PROCR: variants seen among roughly 807,000 people sequenced by gnomAD.
PROCR encodes the protein protein C receptor.
Under a neutral mutation model 24.2 loss-of-function variants are expected in PROCR, and 22 were observed. The observed-to-expected ratio is 0.91, with a 90% CI of 0.65 to 1.30. PROCR has a LOEUF of 1.30. Among genes scored for constraint, PROCR ranks in the 50% most tolerant of loss-of-function variants. PROCR has a pLI of 0.00. For synonymous variants in PROCR, 137 were observed against 139.2 expected, an observed-to-expected ratio of 0.98 and a Z score of 0.11; for missense variants, 288 against 307.7, an observed-to-expected ratio of 0.94 and a Z score of 0.48.
chr20:35,201,274 A>C (rs1412321243), intron 1 of PROCR, among the ~76,000 whole-genome samples: 1 of 152,172 alleles, frequency 6.6e-6, no homozygotes, highest in East Asian at 1.9e-4. Flanking sequence ...ATTGAGAGGC[A>C]AAAAAATGGA....
chr20:35,209,785 A>G (rs1456108224), intron 1 of PROCR, among the ~76,000 whole-genome samples: 5 of 152,212 alleles, frequency 3.3e-5, no homozygotes, highest in African/African-American at 1.2e-4. Context: ...TGGTCTGCCT[A>G]GTGAAACAGA....
intron 1 of PROCR, among the ~76,000 whole-genome samples, chr20:35,210,123 G>A (rs971561500): frequency 3.9e-5 from 6 of 152,158 alleles, no homozygotes; most frequent in African/African-American, 1.4e-4. Flanking sequence ...CTATTTGGGA[G>A]GCTGAGGTGG....
rs777035768 is a variant in PROCR, at chr20:35,176,210, C to T, written c.365C>T (p.Pro122Leu). 3.7e-6 allele frequency: 6 copies of T among 1,614,136 alleles called. No individual in the cohort carries two copies. The highest frequency in any genetic ancestry group is 5.1e-6 in the Non-Finnish European group (6 of 1,179,996). ...TGCTTCCTGGGCTGTGAGCTGCCTC[C>T]CGAGGGCTCTAGAGCCCATGTCTTC... ...IRCFLGCELP[P>L]EGSRAHVFFE... Residue 122 changes from proline to leucine, a missense_variant, in exon 3 of 4, where the codon CCC (proline) becomes CTC (leucine). Pro to Leu is a moderately conservative substitution (Grantham distance 98). Transcript: ENST00000216968.
chr20:35,212,967 C>A (rs945807718), intron 1 of PROCR, among the ~76,000 whole-genome samples: 3 of 152,214 alleles, frequency 2.0e-5, no homozygotes, highest in African/African-American at 7.2e-5. Flanking sequence ...GTTAAGAAAG[C>A]AGTGGCTGAT....
At chr20:35,207,159 C>T (rs1055110697) in intron 1 of PROCR, among the ~76,000 whole-genome samples, 3 of 152,068 alleles carry the variant, frequency 2.0e-5, no homozygotes, top group Admixed American at 6.6e-5. Flanking sequence ...GAATAGAGAA[C>T]ATATCAGTGT....
At chr20:35,191,182 A>G (rs934141594) in intron 1 of PROCR, among the ~76,000 whole-genome samples, 2 of 152,084 alleles carry the variant, frequency 1.3e-5, no homozygotes, top group Non-Finnish European at 2.9e-5. Flanking sequence ...CAGATTAAAC[A>G]TCTTACTTTC....
chr20:35,173,125 C>T (rs1009061264), intron 1 of PROCR, among the ~76,000 whole-genome samples: 1 of 152,178 alleles, frequency 6.6e-6, no homozygotes, highest in African/African-American at 2.4e-5. Context: ...CACTCACACA[C>T]ACAGATTTAC....
At chr20:35,208,904 G>A (rs779736728) in intron 1 of PROCR, among the ~76,000 whole-genome samples, 4 of 151,120 alleles carry the variant, frequency 2.6e-5, no homozygotes, top group African/African-American at 7.3e-5. Context: ...TCCAGGAGGC[G>A]GAGGCTGTAG....
At chr20:35,211,346 G>A (rs1008320537) in intron 1 of PROCR, among the ~76,000 whole-genome samples, 2 of 152,162 alleles carry the variant, frequency 1.3e-5, no homozygotes, top group East Asian at 1.9e-4. Flanking sequence ...TTCAGAGATA[G>A]GTGTAAATGG....
At chr20:35,177,965 T>C (rs2086037538), downstream of PROCR, among the ~76,000 whole-genome samples, 1 of 152,214 alleles carries the variant, frequency 6.6e-6, no homozygotes, top group Admixed American at 6.6e-5. Context: ...CTGGAAATGC[T>C]GGCTTCCTTA....
intron 1 of PROCR, among the ~76,000 whole-genome samples, chr20:35,195,979 G>A (rs1039293151): frequency 1.3e-5 from 2 of 151,484 alleles, no homozygotes; most frequent in Non-Finnish European, 2.9e-5. Flanking sequence ...TCAGGAGTTC[G>A]AGACCAGCCT....
chr20:35,207,730 A>C (rs577521700), intron 1 of PROCR, among the ~76,000 whole-genome samples: 1 of 151,884 alleles, frequency 6.6e-6, no homozygotes, highest in African/African-American at 2.4e-5. Context: ...GGGTTTCTCC[A>C]TGTTGGTCAG....
chr20:35,202,306 T>A (rs1456594834), intron 1 of PROCR: 2 of 152,088 alleles, frequency 1.3e-5, no homozygotes, highest in African/African-American at 4.8e-5. Context: ...ATACAAAAAT[T>A]AGCTGGGCAT....
chr20:35,179,810 A>G (rs1039197223), downstream of PROCR, among the ~76,000 whole-genome samples: 2 of 152,112 alleles, frequency 1.3e-5, no homozygotes. Context: ...ACTCCCTCTT[A>G]TTTATCCCCA....
chr20:35,190,597 T>C (rs2086165633), intron 1 of PROCR, among the ~76,000 whole-genome samples: 1 of 152,154 alleles, frequency 6.6e-6, no homozygotes, highest in African/African-American at 2.4e-5. Context: ...TTTTATTTCA[T>C]CCAAATGCAA....
chr20:35,176,031 A>C, intron 2 of PROCR, 137 bp from the exon 3 acceptor site: 1 of 1,018,406 alleles, frequency 9.8e-7, no homozygotes, highest in African/African-American at 1.6e-5. Flanking sequence ...CCTTCTCCCC[A>C]TAGTTCCCTG....
In PROCR at chr20:35,174,703, C is replaced by T. The variant is rs776328336; in HGVS notation, c.72C>T (p.Gly24=). 1.2e-6 allele frequency: 2 copies of T among 1,613,880 alleles called. No homozygotes were observed. The highest frequency in any genetic ancestry group is 3.3e-5 in the Admixed American group (2 of 59,994). The change falls in exon 2 of 4, where the codon GGC becomes GGT. Residue 24 remains glycine (G), a splice_region_variant and synonymous_variant. Transcript: ENST00000216968. ...GGCTGAAGCTGACTCTGCCCGCAGG[C>T]CTCCAAAGACTTCATATGCTCCAGA... ...WAFCSQDASD[G]LQRLHMLQIS... is the part of the protein sequence containing the mutation.
At chr20:35,188,673 T>C (rs1266988757) in intron 1 of PROCR, among the ~76,000 whole-genome samples, 1 of 152,216 alleles carries the variant, frequency 6.6e-6, no homozygotes, top group Non-Finnish European at 1.5e-5. Flanking sequence ...ATGTGGTTGC[T>C]CCGAATATTG....
intron 1 of PROCR, among the ~76,000 whole-genome samples, chr20:35,204,252 C>T (rs1356668201): frequency 6.6e-6 from 1 of 152,028 alleles, no homozygotes; most frequent in South Asian, 2.1e-4. Flanking sequence ...AGAAATAGTC[C>T]TAAATGTACT....
Sources: allele counts gnomAD v4.1 joint callset (sites outside exome capture counted in the v4.1 genomes callset), GRCh38; gene constraint gnomAD v4.1.1; transcripts MANE v1.5; gene names NCBI Gene and HGNC (gene_info 2026-07-23, HGNC 2026-07-21).